The following CBX2 variants were observed in gnomAD, a reference collection of about 807,000 sequenced individuals.
CBX2 encodes chromobox 2, also known as chromobox protein homolog 2.
In CBX2, 11 loss-of-function variants were observed where a neutral mutation model predicts 21.0. The ratio of observed to expected loss-of-function variants is 0.52; its 90% CI spans 0.33 to 0.87. The LOEUF is 0.87. CBX2 is among the 40% of genes least tolerant of loss of function. The pLI is 0.02. For missense variants in CBX2, 746 were observed against 724.3 expected (o/e 1.03, Z -0.34); for synonymous variants, 364 against 304.6 (o/e 1.19, Z -2.03).
rs1735357345 is a variant in CBX2, at chr17:79,778,927, G to A, written c.117-435G>A. Among the ~76,000 whole-genome samples, 1 of 152,136 alleles carries A rather than the reference G, an allele frequency of 6.6e-6. No individual in the cohort carries two copies. On this transcript the variant is annotated intron_variant, in intron 2 of 4. Transcript: ENST00000310942. The surrounding 1 kb of genome is among the most constrained non-coding windows in gnomAD (Gnocchi z 4.8). ...CCGCTCTTTCTTCGCTACCCCTCGA[G>A]GTGCCCCGGCCCGCGCGCCACATTG...
Position 79,781,793 on chromosome 17 carries a change from A to G in CBX2, c.280A>G (p.Lys94Glu), listed in dbSNP as rs1907227480. 6.2e-7 allele frequency: 1 copy of G among 1,614,004 alleles called. No homozygotes were observed. The highest frequency in any genetic ancestry group is 8.5e-7 in the Non-Finnish European group (1 of 1,180,000). The part of the protein sequence containing the change: ...TAMSSCSRRS[K>E]LKEPDAPSKS... ...CATGTCCTCCTGCAGCCGGCGCTCC[A>G]AGCTCAAGGTGGGTGGCTGCGCTGG... The change falls in exon 4 of 5, where the codon AAG becomes GAG. Residue 94 changes from lysine to glutamate, a missense_variant. By Grantham distance (56) the Lys-to-Glu change is moderately conservative. This residue lies in a region of CBX2 where 701 missense variants were observed against 650.7 expected (regional missense o/e 1.08). Coordinates refer to ENST00000310942, the MANE Select transcript of CBX2 (RefSeq NM_005189.3).
At chr17:79,780,257 G>C (rs1907075628) in intron 3 of CBX2, among the ~76,000 whole-genome samples, 1 of 152,244 alleles carries the variant, frequency 6.6e-6, no homozygotes, top group African/African-American at 2.4e-5. Flanking sequence ...GTCTTTCCCA[G>C]CCAGGGTCAA....
rs1490276464 is a variant in CBX2, at chr17:79,778,495, C to A, written c.116+68C>A. On this transcript the variant is annotated intron_variant, in intron 2 of 4. Coordinates refer to ENST00000310942, the MANE Select transcript of CBX2 (RefSeq NM_005189.3). The surrounding 1 kb of genome is among the most constrained non-coding windows in gnomAD (Gnocchi z 4.8). The stretch of plus-strand genomic sequence containing the variant: ...CCGGGGGTGGGGACGTGGAGCCCCT[C>A]GGCCGCGCCGTCCGGTGGCCTGGGG... 3.7e-6 allele frequency: 4 copies of A among 1,089,382 alleles called. No individual in the cohort carries two copies. The highest frequency in any genetic ancestry group is 1.7e-5 in the African/African-American group (1 of 60,088). The allele number at this position is 1,089,382 out of a possible 1,614,324, so 67.5% of individuals were successfully genotyped here.
In CBX2 at chr17:79,778,263, C is replaced by T; in HGVS notation, c.28C>T (p.Gln10Ter). MEELSSVGEQVFAAECILSK... is the reference protein window; with the variant it reads MEELSSVGE ...GGAGGAGCTGAGCAGCGTGGGCGAG[C>T]AGGTCTTCGCCGCCGAGTGCATCCT... is the stretch of plus-strand genomic sequence containing the variant. The change falls in exon 1 of 5, where the codon CAG (glutamine) becomes TAG (stop). Residue 10 changes from glutamine (Q) to a stop codon, truncating the protein, a stop_gained. Coordinates refer to ENST00000310942, the MANE Select transcript of CBX2 (RefSeq NM_005189.3). LOFTEE classifies it high-confidence loss of function. This position sits in a 1 kb window ranked among gnomAD's most constrained non-coding sequence, Gnocchi z 4.8. 3.3e-6 allele frequency: 5 copies of T among 1,523,002 alleles called. No individual in the cohort carries two copies. The highest frequency in any genetic ancestry group is 4.4e-6 in the Non-Finnish European group (5 of 1,141,104). 94.3% of individuals were successfully genotyped at this position (1,523,002 alleles called of 1,614,324 possible).
rs782433834 is a variant in CBX2, at chr17:79,784,164, A to G, written c.721A>G (p.Met241Val). The change falls in exon 5 of 5, where the codon ATG becomes GTG. Residue 241 changes from methionine to valine, a missense_variant. By Grantham distance (21) the Met-to-Val change is conservative. Transcript: ENST00000310942. This position sits in a 1 kb window ranked among gnomAD's most constrained non-coding sequence, Gnocchi z 5.9. ...PENLASLMKG[M>V]ASSPGRGGIS... is the part of the protein sequence containing the mutation. The stretch of plus-strand genomic sequence containing the variant: ...GAACCTGGCCAGCCTAATGAAGGGC[A>G]TGGCCAGTAGCCCCGGCCGGGGTGG... 6.3e-5 allele frequency: 101 copies of G among 1,612,590 alleles called. No individual in the cohort carries two copies. Among genetic ancestry groups the G allele is most frequent in the Non-Finnish European group, 5.0e-5 (59 of 1,179,892 alleles).
upstream of CBX2, among the ~76,000 whole-genome samples, chr17:79,777,973 G>A (rs1385785831): frequency 1.4e-5 from 2 of 144,304 alleles, no homozygotes; most frequent in East Asian, 2.0e-4. Flanking sequence ...CCCCGCCGGA[G>A]CGCGAGGCCC....
intron 3 of CBX2, among the ~76,000 whole-genome samples, chr17:79,780,281 T>C (rs1198209379): frequency 6.6e-6 from 1 of 152,254 alleles, no homozygotes; most frequent in African/African-American, 2.4e-5. Context: ...GGACGGTTTG[T>C]TCTCTGGTAG....
chr17:79,786,006 C>T lies in CBX2; in HGVS notation c.*964C>T, dbSNP rs147957935. ...AGTTCAGTGTGTCCCAAGGAAAACC[C>T]AAAGTGGAGGTGCTCAGGTCCAGGG... On this transcript the variant is annotated 3_prime_UTR_variant, in exon 5 of 5. Transcript: ENST00000310942. The T allele has an allele frequency of 1.3e-5, 2 of 152,382 alleles. No homozygotes were observed. Among genetic ancestry groups the T allele is most frequent in the African/African-American group, 4.8e-5 (2 of 41,482 alleles). The allele number at this position is 152,382 out of a possible 1,614,324, so 9.4% of individuals were successfully genotyped here.
intron 4 of CBX2, among the ~76,000 whole-genome samples, chr17:79,783,481 C>A (rs1404605194): frequency 1.3e-5 from 2 of 151,556 alleles, no homozygotes; most frequent in African/African-American, 4.9e-5. Flanking sequence ...ACAATCTTGG[C>A]TCACTGCAGC....
At chr17:79,779,018 C>G (rs983930891) in intron 2 of CBX2, among the ~76,000 whole-genome samples, 2 of 152,200 alleles carry the variant, frequency 1.3e-5, no homozygotes, top group Non-Finnish European at 2.9e-5. Context: ...CCTTCCTCCT[C>G]TGGCTCCGGG....
intron 4 of CBX2, chr17:79,782,319 CTGA>C: frequency 6.7e-7 from 1 of 1,499,070 alleles, no homozygotes; most frequent in Non-Finnish European, 8.9e-7. Flanking sequence ...GCAGTGTGGG[CTGA>C]TGATGTGCTT....
intron 4 of CBX2, among the ~76,000 whole-genome samples, 200 bp from the exon 5 acceptor site, chr17:79,783,532 C>G (rs1343709233): frequency 1.3e-5 from 2 of 152,052 alleles, no homozygotes; most frequent in Non-Finnish European, 2.9e-5. Context: ...GCCTCAGCCT[C>G]TGCAGTAGCT....
At chr17:79,783,416 T>C (rs1555830874) in intron 4 of CBX2, among the ~76,000 whole-genome samples, 1 of 151,502 alleles carries the variant, frequency 6.6e-6, no homozygotes, top group Non-Finnish European at 1.5e-5. Flanking sequence ...TTATCTTTTT[T>C]TTTTTTTTTT....
intron 3 of CBX2, 88 bp downstream of exon 3, chr17:79,779,515 G>A: frequency 8.2e-7 from 1 of 1,225,670 alleles, no homozygotes; most frequent in South Asian, 1.2e-5. Context: ...CTGCCGGGAG[G>A]CTGGAGCTGG....
rs1555832342 is a variant in CBX2 at position 79,787,483 on chromosome 17, A to C, written c.*2441A>C. 1 of 152,708 alleles carries C rather than the reference A, an allele frequency of 6.5e-6. No individual in the cohort carries two copies. Among genetic ancestry groups the C allele is most frequent in the Non-Finnish European group, 1.5e-5 (1 of 68,058 alleles). The allele number at this position is 152,708 out of a possible 1,614,324, so 9.5% of individuals were successfully genotyped here. On this transcript the variant is annotated 3_prime_UTR_variant, in exon 5 of 5. Transcript: ENST00000310942. ...GGTGCTTCAAGAGCGTGTGCAGGGC[A>C]AGTGCCGTCACTGGGAACTGCACCA...
chr17:79,782,691 G>A (rs1347973357), intron 4 of CBX2, among the ~76,000 whole-genome samples: 3 of 150,714 alleles, frequency 2.0e-5, no homozygotes, highest in African/African-American at 2.5e-5. Flanking sequence ...CAGGATTGTG[G>A]GGGCTGCAGG....
At position 79,785,125 on chromosome 17, in the gene CBX2, C is replaced by A. The variant is rs1555831520; in HGVS notation, c.*83C>A. 1 of 1,244,060 alleles carries A rather than the reference C, an allele frequency of 8.0e-7. No homozygotes were observed. The highest frequency in any genetic ancestry group is 1.5e-5 in the African/African-American group (1 of 67,562). 77.1% of individuals were successfully genotyped at this position (1,244,060 alleles called of 1,614,324 possible). ...TGGCTAAGTGACTCCCAGCCCAAGC[C>A]CCCTCAAGAGTCTGGGTCGGGGGAG... is the stretch of plus-strand genomic sequence containing the variant. On this transcript the variant is annotated 3_prime_UTR_variant, in exon 5 of 5. Coordinates refer to ENST00000310942, the MANE Select transcript of CBX2 (RefSeq NM_005189.3).
chr17:79,781,151 G>A lies in CBX2; in HGVS notation c.183-545G>A, dbSNP rs148968583. Among the ~76,000 whole-genome samples the A allele has an allele frequency of 1.9e-4, 29 of 152,260 alleles. No individual in the cohort carries two copies. In the East Asian group the frequency reaches 4.8e-3, roughly 25 times the overall value. The stretch of plus-strand genomic sequence containing the variant: ...CATCTCCCTCAAGAGTAGAGTTTAG[G>A]AACAGAGAGGTATTTTTAAAAAGGA... On this transcript the variant is annotated intron_variant, in intron 3 of 4. Coordinates refer to ENST00000310942, the MANE Select transcript of CBX2 (RefSeq NM_005189.3).
chr17:79,778,812 CT>C lies in CBX2; in HGVS notation c.116+389del, dbSNP rs1906937611. On this transcript the variant is annotated intron_variant, in intron 2 of 4. Transcript: ENST00000310942. The surrounding 1 kb of genome is among the most constrained non-coding windows in gnomAD (Gnocchi z 4.8). Reference sequence around the variant, plus strand: ...GTAGAGTTTCTTTTTTTTTTTCTTTCTTTTAATGGAAGGGAGGGTGTTTGGC... The same window carrying C: ...GTAGAGTTTCTTTTTTTTTTTCTTTCTTTAATGGAAGGGAGGGTGTTTGGC... 6.7e-6 allele frequency among the ~76,000 whole-genome samples: 1 copy of C among 149,114 alleles called. No individual in the cohort carries two copies. The highest frequency in any genetic ancestry group is 2.5e-5 in the African/African-American group (1 of 40,644).
Sources: allele counts gnomAD v4.1 joint callset (sites outside exome capture counted in the v4.1 genomes callset), GRCh38; gene constraint gnomAD v4.1.1; regional missense constraint gnomAD v4.1.1; non-coding constraint Gnocchi (gnomAD v3.1); transcripts MANE v1.5; gene names NCBI Gene and HGNC (gene_info 2026-07-23, HGNC 2026-07-21).